The following SCHIP1 variants were observed in gnomAD, a reference collection of about 807,000 sequenced individuals.
The protein encoded by SCHIP1 is schwannomin interacting protein 1.
A neutral mutation model predicts 29.7 loss-of-function variants in SCHIP1; 8 were observed. The ratio of observed to expected loss-of-function variants is 0.27; its 90% confidence interval spans 0.16 to 0.49. The LOEUF is 0.49. SCHIP1 is among the 20% of genes least tolerant of loss of function. SCHIP1 has a pLI of 0.99. For missense variants in SCHIP1, 193 were observed against 294.6 expected, an observed-to-expected ratio of 0.66 and a Z score of 2.52; for synonymous variants, 76 against 94.9, an observed-to-expected ratio of 0.80 and a Z score of 1.16.
At chr3:159,657,330 C>T in the SCHIP1 span, among the ~76,000 whole-genome samples, 3 of 152,296 alleles carry the variant, frequency 2.0e-5, no homozygotes, top group East Asian at 5.8e-4. Flanking sequence ...TCTCTCTGGA[C>T]TTGTGCAGTC....
chr3:159,436,763 G>A, the SCHIP1 span, among the ~76,000 whole-genome samples: 1 of 152,118 alleles, frequency 6.6e-6, no homozygotes, highest in Non-Finnish European at 1.5e-5. Context: ...TAATGGCTTA[G>A]GTGTCAGGTA....
the SCHIP1 span, among the ~76,000 whole-genome samples, chr3:159,379,647 C>G: frequency 6.6e-6 from 1 of 152,194 alleles, no homozygotes; most frequent in Non-Finnish European, 1.5e-5. Context: ...CTACAAGTTC[C>G]ATAGACTTTT....
the SCHIP1 span, among the ~76,000 whole-genome samples, chr3:159,468,920 C>CCA: frequency 1.3e-5 from 2 of 151,630 alleles, no homozygotes; most frequent in Non-Finnish European, 2.9e-5. Context: ...GAGCCCACCA[C>CCA]CACACCAGGC....
the SCHIP1 span, among the ~76,000 whole-genome samples, chr3:159,420,924 G>T: frequency 6.6e-6 from 1 of 152,180 alleles, no homozygotes; most frequent in African/African-American, 2.4e-5. Context: ...GCAATTATTT[G>T]TTTATGGATT....
the SCHIP1 span, among the ~76,000 whole-genome samples, chr3:159,559,133 C>A: frequency 6.6e-6 from 1 of 152,096 alleles, no homozygotes; most frequent in Non-Finnish European, 1.5e-5. Flanking sequence ...TAGCCAAGTG[C>A]TCAGTACATT....
At chr3:159,848,745 T>A (rs1712179384) in intron 1 of SCHIP1, among the ~76,000 whole-genome samples, 1 of 152,122 alleles carries the variant, frequency 6.6e-6, no homozygotes, top group Non-Finnish European at 1.5e-5. Context: ...AAGCTCCCAG[T>A]GCTGTTGATA....
chr3:159,820,926 C>T, the SCHIP1 span, among the ~76,000 whole-genome samples: 2 of 152,216 alleles, frequency 1.3e-5, no homozygotes, highest in South Asian at 4.1e-4. Context: ...TCTATCGTCA[C>T]TGTCCAGTAC....
chr3:159,574,560 C>T, the SCHIP1 span, among the ~76,000 whole-genome samples: 276 of 152,310 alleles, frequency 1.8e-3, 3 homozygotes, highest in Non-Finnish European at 5.1e-4. Flanking sequence ...TTAGGCTACA[C>T]GGGGGTCAGG....
chr3:159,840,127 C>T (rs1744089982), exon 1 of SCHIP1: 3 of 1,532,812 alleles, frequency 2.0e-6, no homozygotes, highest in Non-Finnish European at 2.6e-6. Flanking sequence ...CCGCGCCTGC[C>T]CTCCGCAGCC....
At chr3:159,462,493 C>T in the SCHIP1 span, among the ~76,000 whole-genome samples, 1 of 152,134 alleles carries the variant, frequency 6.6e-6, no homozygotes, top group South Asian at 2.1e-4. Context: ...TGTCAAGTCT[C>T]TCATTATTTC....
chr3:159,579,701 A>C, the SCHIP1 span, among the ~76,000 whole-genome samples: 1 of 152,204 alleles, frequency 6.6e-6, no homozygotes, highest in South Asian at 2.1e-4. Context: ...TTTGACCTGC[A>C]TTTTTGAGAA....
At chr3:159,374,996 T>G in the SCHIP1 span, among the ~76,000 whole-genome samples, 112 of 152,384 alleles carry the variant, frequency 7.3e-4, no homozygotes, top group African/African-American at 2.5e-3. Context: ...GTATTACATT[T>G]TGAAAAAACT....
At chr3:159,639,257 CT>C in the SCHIP1 span, among the ~76,000 whole-genome samples, 2 of 152,072 alleles carry the variant, frequency 1.3e-5, no homozygotes, top group Admixed American at 6.6e-5. Context: ...CCTCATTTTT[CT>C]GTACCATTTA....
At chr3:159,478,154 C>G in the SCHIP1 span, among the ~76,000 whole-genome samples, 1 of 152,018 alleles carries the variant, frequency 6.6e-6, no homozygotes, top group Non-Finnish European at 1.5e-5. Flanking sequence ...AAATCCTGAC[C>G]TCAGGTGGTC....
At chr3:159,733,225 T>G in the SCHIP1 span, among the ~76,000 whole-genome samples, 1 of 152,292 alleles carries the variant, frequency 6.6e-6, no homozygotes, top group African/African-American at 2.4e-5. Context: ...GCTTCTTGAA[T>G]TTTTTTCCTC....
chr3:159,861,989 T>G lies in SCHIP1; in HGVS notation c.31-4174T>G, dbSNP rs1266909437. On this transcript the variant is annotated intron_variant, in intron 1 of 6. Coordinates refer to ENST00000445224, the Ensembl canonical transcript of SCHIP1. This position sits in a 1 kb window ranked among gnomAD's most constrained non-coding sequence, Gnocchi z 4.1. ...CCTTGAAACCACACACACATATATT[T>G]TACACATGTGGGCAACTGAAAGAAA... is the stretch of plus-strand genomic sequence containing the variant. Among the ~76,000 whole-genome samples the G allele has an allele frequency of 1.3e-5, 2 of 152,210 alleles. No homozygotes were observed. The highest frequency in any genetic ancestry group is 2.4e-5 in the African/African-American group (1 of 41,458).
At chr3:159,735,360 G>A in the SCHIP1 span, among the ~76,000 whole-genome samples, 2 of 151,800 alleles carry the variant, frequency 1.3e-5, no homozygotes, top group South Asian at 2.1e-4. Context: ...CTCCCAAATA[G>A]CTGGGATTAC....
chr3:159,759,681 T>C, the SCHIP1 span, among the ~76,000 whole-genome samples: 14 of 152,298 alleles, frequency 9.2e-5, no homozygotes, highest in African/African-American at 3.4e-4. Flanking sequence ...CATGTAGTTA[T>C]ATTCAGGTGA....
At chr3:159,710,354 T>A in the SCHIP1 span, among the ~76,000 whole-genome samples, 1 of 152,042 alleles carries the variant, frequency 6.6e-6, no homozygotes, top group African/African-American at 2.4e-5. Context: ...AAAAACTGCA[T>A]GATCTCTCTG....
Sources: allele counts gnomAD v4.1 joint callset (sites outside exome capture counted in the v4.1 genomes callset), GRCh38; gene constraint gnomAD v4.1.1; non-coding constraint Gnocchi (gnomAD v3.1); transcripts MANE v1.5; gene names NCBI Gene and HGNC (gene_info 2026-07-23, HGNC 2026-07-21).